ATP2C2: variants seen among roughly 807,000 people sequenced by gnomAD.
The protein encoded by ATP2C2 is ATPase secretory pathway Ca2+ transporting 2, also known as calcium-transporting ATPase type 2C member 2.
ATP2C2 carries 171 observed loss-of-function variants against 110.8 expected under a neutral mutation model. The observed-to-expected ratio is 1.54, with a 90% confidence interval of 1.36 to 1.75. The LOEUF is 1.75. ATP2C2 is among the 40% of genes most tolerant of loss of function. ATP2C2 has a pLI of 0.00. For missense variants in ATP2C2, 1,963 were observed against 1,235.0 expected, an observed-to-expected ratio of 1.59 and a Z score of -8.84; for synonymous variants, 804 against 508.4, an observed-to-expected ratio of 1.58 and a Z score of -7.82.
intron 22 of ATP2C2, 41 bp downstream of exon 22, chr16:84,459,229 G>T: frequency 6.2e-7 from 1 of 1,614,096 alleles, no homozygotes; most frequent in Non-Finnish European, 8.5e-7. Context: ...TAAGCACCAC[G>T]CCTGGCGGGC....
chr16:84,380,715 C>G (rs1910528829), intron 1 of ATP2C2, among the ~76,000 whole-genome samples: 4 of 152,204 alleles, frequency 2.6e-5, no homozygotes, highest in South Asian at 2.1e-4. Flanking sequence ...GCAAACTTAA[C>G]TTTTCCCTGC....
chr16:84,438,118 A>G (rs557714251), intron 11 of ATP2C2, among the ~76,000 whole-genome samples: 1 of 152,328 alleles, frequency 6.6e-6, no homozygotes, highest in South Asian at 2.1e-4. Context: ...TGGCTCATCC[A>G]TTTGTTCACT....
chr16:84,461,740 C>A lies in ATP2C2; in HGVS notation c.2508C>A (p.Pro836=). ...KEMPEDRAST[P]RTTTMTFTCF... ...TGCCTGAAGACAGAGCAAGCACTCC[C>A]CGCACCACGACGATGACGTTCACTT... The change falls in exon 25 of 27, where the codon CCC becomes CCA. Residue 836 remains proline, a synonymous_variant. Transcript: ENST00000262429. 6.2e-7 allele frequency: 1 copy of A among 1,614,182 alleles called. No homozygotes were observed. The highest frequency in any genetic ancestry group is 1.1e-5 in the South Asian group (1 of 91,084).
chr16:84,411,090 T>G (rs1208436747), intron 6 of ATP2C2, among the ~76,000 whole-genome samples: 1 of 152,108 alleles, frequency 6.6e-6, no homozygotes, highest in Non-Finnish European at 1.5e-5. Context: ...GTGTGCATTT[T>G]TTCTAGGGAG....
intron 1 of ATP2C2, among the ~76,000 whole-genome samples, chr16:84,378,440 C>T (rs966455706): frequency 6.6e-6 from 1 of 152,214 alleles, no homozygotes; most frequent in African/African-American, 2.4e-5. Context: ...CCCCTTCTGA[C>T]TGCTAGATTC....
In ATP2C2 at chr16:84,453,309, CTCCGTGTCCAGGTG is replaced by C. The variant is rs1352051319; in HGVS notation, c.1930-4_1939del. The C allele has an allele frequency of 6.2e-7, 1 of 1,614,168 alleles. No individual in the cohort carries two copies. The highest frequency in any genetic ancestry group is 8.5e-7 in the Non-Finnish European group (1 of 1,180,022). ...AAATCTGATTCTTCGTCTTCCCCGT[CTCCGTGTCCAGGTG>C]TCCGTGTTCTTCAGGACCAGCCCAA... On this transcript the variant is annotated splice_acceptor_variant and splice_polypyrimidine_tract_variant and coding_sequence_variant and intron_variant, in exon 20 of 27. Transcript: ENST00000262429. LOFTEE classifies it high-confidence loss of function.
In ATP2C2 at chr16:84,463,883, C is replaced by T. The variant is rs762774203; in HGVS notation, c.*151C>T. Reference sequence around the variant, plus strand: ...CCTCTTAGGAAAGCTGCAGGAACCTCGTGGGCTCCAGGGACCCAGGCCCAC... The same window carrying T: ...CCTCTTAGGAAAGCTGCAGGAACCTTGTGGGCTCCAGGGACCCAGGCCCAC... On this transcript the variant is annotated 3_prime_UTR_variant, in exon 27 of 27. Coordinates refer to ENST00000262429, the MANE Select transcript of ATP2C2 (RefSeq NM_014861.4). 1.8e-5 allele frequency: 13 copies of T among 707,616 alleles called. No homozygotes were observed. The highest frequency in any genetic ancestry group is 7.2e-5 in the South Asian group (4 of 55,356). The allele number at this position is 707,616 out of a possible 1,614,324, so 43.8% of individuals were successfully genotyped here.
chr16:84,398,674 C>G (rs1905137084), intron 2 of ATP2C2, 65 bp downstream of exon 2: 2 of 1,329,422 alleles, frequency 1.5e-6, no homozygotes, highest in East Asian at 2.5e-5. Context: ...GAAAGCAACA[C>G]AAAGCCCTGA....
chr16:84,453,156 G>A lies in ATP2C2; in HGVS notation c.1850G>A (p.Cys617Tyr). 6.2e-7 allele frequency: 1 copy of A among 1,613,274 alleles called. No individual in the cohort carries two copies. Among genetic ancestry groups the A allele is most frequent in the Non-Finnish European group, 8.5e-7 (1 of 1,179,542 alleles). Residue 617 changes from cysteine to tyrosine, a missense_variant, in exon 19 of 27, where the codon TGC becomes TAC. By Grantham distance (194) the Cys-to-Tyr change is radical. Coordinates refer to ENST00000262429, the MANE Select transcript of ATP2C2 (RefSeq NM_014861.4). ...ALAIGRNIGL[C>Y]NGKLQAMSGE... Reference sequence around the variant, plus strand: ...TCTGAAGGAAGAAACATCGGCCTGTGCAACGGGAAGCTGCAAGCCATGTCC... The same window carrying A: ...TCTGAAGGAAGAAACATCGGCCTGTACAACGGGAAGCTGCAAGCCATGTCC...
intron 1 of ATP2C2, among the ~76,000 whole-genome samples, chr16:84,382,812 C>G (rs532624677): frequency 2.0e-4 from 30 of 150,308 alleles, no homozygotes; most frequent in Non-Finnish European, 4.0e-4. Flanking sequence ...ACCAGAATCG[C>G]TTGAACCCAG....
chr16:84,395,308 C>T (rs1184906286), intron 1 of ATP2C2, among the ~76,000 whole-genome samples: 1 of 151,970 alleles, frequency 6.6e-6, no homozygotes, highest in East Asian at 1.9e-4. Context: ...AGCATGGCAC[C>T]CTGTCACCCC....
chr16:84,393,221 A>G lies in ATP2C2; in HGVS notation c.100-5278A>G, dbSNP rs142068349. On this transcript the variant is annotated intron_variant, in intron 1 of 26. Transcript: ENST00000262429. ...AAAGGATACATTAAGTGCCATTTAG[A>G]TTATGGAGCTGTGTGATTGGAATCA... is the stretch of plus-strand genomic sequence containing the variant. 1.7e-3 allele frequency among the ~76,000 whole-genome samples: 264 copies of G among 152,280 alleles called. 3 individuals are homozygous for G. The highest frequency in any genetic ancestry group is 2.1e-3 in the South Asian group (10 of 4,820).
intron 1 of ATP2C2, among the ~76,000 whole-genome samples, chr16:84,378,823 G>A (rs1440277341): frequency 2.0e-5 from 3 of 152,332 alleles, no homozygotes; most frequent in Non-Finnish European, 4.4e-5. Flanking sequence ...GTGGACACAC[G>A]AAGCCATGAA....
intron 18 of ATP2C2, among the ~76,000 whole-genome samples, chr16:84,452,448 C>T (rs1910372940): frequency 6.6e-6 from 1 of 151,842 alleles, no homozygotes; most frequent in African/African-American, 2.4e-5. Flanking sequence ...CCACTCTGAC[C>T]CTCAGTCTCT....
In ATP2C2 at chr16:84,459,495, C is replaced by G. The variant is rs781076768; in HGVS notation, c.2333+109C>G. On this transcript the variant is annotated intron_variant, in intron 23 of 26. Transcript: ENST00000262429. ...CTATAGGGATGAACAAATACAGCCACTTTCCATCAGGAGTTCCCAGAAAAC... is the reference window on the plus strand; with the variant it reads ...CTATAGGGATGAACAAATACAGCCAGTTTCCATCAGGAGTTCCCAGAAAAC... 5.0e-6 allele frequency: 8 copies of G among 1,586,588 alleles called. No homozygotes were observed. The East Asian group carries it at 6.8e-5, about 14-fold the overall frequency.
intron 23 of ATP2C2, chr16:84,459,945 C>T (rs1911112235): frequency 3.7e-6 from 1 of 268,350 alleles, no homozygotes; most frequent in Non-Finnish European, 7.3e-6. Flanking sequence ...ACAAGCTGGC[C>T]AAGTGGTGTG....
intron 7 of ATP2C2, among the ~76,000 whole-genome samples, chr16:84,420,358 A>G (rs1907216613): frequency 6.7e-6 from 1 of 149,116 alleles, no homozygotes; most frequent in Non-Finnish European, 1.5e-5. Flanking sequence ...CCAAACCCAC[A>G]CTCACTCCCC....
At position 84,382,664 on chromosome 16, in the gene ATP2C2, C is replaced by T. The variant is rs563249112; in HGVS notation, c.99+13950C>T. Among the ~76,000 whole-genome samples the T allele has an allele frequency of 3.3e-5, 5 of 152,190 alleles. No individual in the cohort carries two copies. The South Asian group carries it at 6.2e-4, about 19-fold the overall frequency. On this transcript the variant is annotated intron_variant, in intron 1 of 26. Coordinates refer to ENST00000262429, the MANE Select transcript of ATP2C2 (RefSeq NM_014861.4). ...ATCCTAGCACTTTGGGAGGCTAAGG[C>T]GAGAGGATCACTTGAGGTCAAAAGT...
At chr16:84,452,791 G>A (rs181300847) in intron 18 of ATP2C2, among the ~76,000 whole-genome samples, 4 of 152,098 alleles carry the variant, frequency 2.6e-5, no homozygotes, top group African/African-American at 7.2e-5. Context: ...GAGCCACTGC[G>A]CCCAGCCCCT....
Sources: gnomAD v4.1 joint callset for allele counts (sites outside exome capture counted in the v4.1 genomes callset) on GRCh38, gnomAD v4.1.1 for gene constraint, MANE v1.5 for transcripts, NCBI Gene and HGNC (gene_info 2026-07-23, HGNC 2026-07-21) for gene names.